CCPG1: variants seen among roughly 807,000 people sequenced by gnomAD.
CCPG1 encodes the protein cell cycle progression protein 1.
CCPG1 carries 46 observed loss-of-function variants against 81.3 expected under a neutral mutation model. The observed-to-expected ratio is 0.57, with a 90% CI of 0.45 to 0.72. CCPG1 has a LOEUF of 0.72. CCPG1 is among the 30% of genes least tolerant of loss of function. The probability of loss-of-function intolerance (pLI) is 0.00; values close to 1 mark genes in which losing one functional copy is unlikely to be tolerated. For missense variants in CCPG1, 902 were observed against 937.6 expected (o/e 0.96, Z 0.50); for synonymous variants, 330 against 305.2 (o/e 1.08, Z -0.85).
At chr15:55,368,681 C>T (rs2056382428) in intron 6 of CCPG1, among the ~76,000 whole-genome samples, 1 of 152,202 alleles carries the variant, frequency 6.6e-6, no homozygotes, top group African/African-American at 2.4e-5. Flanking sequence ...AACCAAATAC[C>T]TGGAGTACAC....
chr15:55,389,352 T>G lies in CCPG1; in HGVS notation c.60+13A>C. The G allele has an allele frequency of 6.4e-7, 1 of 1,550,984 alleles. No homozygotes were observed. The highest frequency in any genetic ancestry group is 8.9e-7 in the Non-Finnish European group (1 of 1,123,426). Reference sequence around the variant, plus strand: ...ATTACAAATTACCTTATAAAAAGTATTAAATATCATACCTCATGACTGATG... The same window carrying G: ...ATTACAAATTACCTTATAAAAAGTAGTAAATATCATACCTCATGACTGATG... On this transcript the variant is annotated intron_variant, in intron 2 of 8. Transcript: ENST00000442196.
intron 1 of CCPG1, 24 bp from the exon 2 acceptor site, chr15:55,389,457 CTCA>C (rs755974431): frequency 7.3e-6 from 11 of 1,512,410 alleles, no homozygotes; most frequent in Non-Finnish European, 7.4e-6. Context: ...AACATATTGA[CTCA>C]TGAGACACAT....
chr15:55,374,772 A>G (rs2056527166), intron 5 of CCPG1, among the ~76,000 whole-genome samples: 1 of 152,134 alleles, frequency 6.6e-6, no homozygotes, highest in Non-Finnish European at 1.5e-5. Flanking sequence ...CTGGGATTAC[A>G]GGCCTGCGCT....
At chr15:55,403,208 C>CCA (rs1234113371) in intron 1 of CCPG1, among the ~76,000 whole-genome samples, 2 of 152,000 alleles carry the variant, frequency 1.3e-5, no homozygotes, top group Non-Finnish European at 2.9e-5. Flanking sequence ...ACAAATACCC[C>CCA]CATAAAGGCA....
intron 1 of CCPG1, among the ~76,000 whole-genome samples, chr15:55,406,634 C>A (rs1479090741): frequency 1.3e-5 from 2 of 151,298 alleles, no homozygotes; most frequent in African/African-American, 2.4e-5. Flanking sequence ...GGGGTTTCAC[C>A]GTGTCGGCCA....
In CCPG1 at chr15:55,355,507, A is replaced by G; in HGVS notation, c.*713T>C. On this transcript the variant is annotated 3_prime_UTR_variant, in exon 9 of 9. Transcript: ENST00000442196. ...TTAAATACTTCGGTAAACACTGGGTAAGATTCATGGAACTTAGAAAAAAGC... is the reference window on the plus strand; with the variant it reads ...TTAAATACTTCGGTAAACACTGGGTGAGATTCATGGAACTTAGAAAAAAGC... 6.6e-6 allele frequency: 8 copies of G among 1,218,214 alleles called. No homozygotes were observed. The highest frequency in any genetic ancestry group is 9.3e-6 in the Non-Finnish European group (8 of 864,508). The allele number at this position is 1,218,214 out of a possible 1,614,324, so 75.5% of individuals were successfully genotyped here.
In CCPG1 at chr15:55,360,417, A is replaced by G; in HGVS notation, c.1356T>C (p.Tyr452=). The part of the protein sequence containing the change: ...QQRSDLWERL[Y]VEAKDQNGKQ... ...TTCCATTTTGATCTTTTGCCTCAACATACAATCTTTCCCACAAATCAGAAC... is the reference window on the plus strand; with the variant it reads ...TTCCATTTTGATCTTTTGCCTCAACGTACAATCTTTCCCACAAATCAGAAC... Residue 452 remains tyrosine, a synonymous_variant, in exon 8 of 9, where the codon TAT becomes TAC. Coordinates refer to ENST00000442196, the MANE Select transcript of CCPG1 (RefSeq NM_001204450.2). 1 of 1,613,726 alleles carries G rather than the reference A, an allele frequency of 6.2e-7. No homozygotes were observed. Among genetic ancestry groups the G allele is most frequent in the Non-Finnish European group, 8.5e-7 (1 of 1,180,014 alleles).
chr15:55,359,078 A>T, intron 8 of CCPG1: 1 of 984,984 alleles, frequency 1.0e-6, no homozygotes, highest in Non-Finnish European at 1.2e-6. Context: ...GGTACATGGA[A>T]TGGACAAGTG....
chr15:55,374,699 T>C (rs58550265), intron 5 of CCPG1, among the ~76,000 whole-genome samples: 27,172 of 152,156 alleles, frequency 0.18, 4,209 homozygotes, highest in African/African-American at 0.42. Flanking sequence ...GGCGCAATCT[T>C]GGCTCACTGC....
intron 1 of CCPG1, among the ~76,000 whole-genome samples, chr15:55,393,519 C>A (rs1340186631): frequency 2.6e-5 from 4 of 151,996 alleles, no homozygotes; most frequent in African/African-American, 9.7e-5. Context: ...ACATAATATT[C>A]CATGAAAAAT....
chr15:55,363,541 G>C (rs1243379992), intron 7 of CCPG1, among the ~76,000 whole-genome samples: 2 of 150,418 alleles, frequency 1.3e-5, no homozygotes, highest in Non-Finnish European at 3.0e-5. Flanking sequence ...ATTAACTTCA[G>C]AAGTACCTCC....
intron 1 of CCPG1, among the ~76,000 whole-genome samples, chr15:55,407,045 C>CT (rs1555411247): frequency 1.5e-5 from 2 of 133,620 alleles, no homozygotes; most frequent in Non-Finnish European, 3.1e-5. Context: ...AGACCCCCCC[C>CT]CCCGCCCCGC....
At chr15:55,400,967 G>C (rs1027721398) in intron 1 of CCPG1, among the ~76,000 whole-genome samples, 2 of 152,168 alleles carry the variant, frequency 1.3e-5, no homozygotes, top group African/African-American at 4.8e-5. Flanking sequence ...AGTCAATGTA[G>C]AGGCTGGAAA....
Position 55,361,092 on chromosome 15 carries a change from T to C in CCPG1, c.829-148A>G, listed in dbSNP as rs2056183989. The stretch of plus-strand genomic sequence containing the variant: ...GGTAGTATTTTCAATAGTATAAACA[T>C]TGGGAAATACAAGGTTCATATGCAA... On this transcript the variant is annotated intron_variant, in intron 7 of 8. Transcript: ENST00000442196. The C allele has an allele frequency of 8.4e-6, 7 of 835,510 alleles. No individual in the cohort carries two copies. In the Admixed American group the frequency reaches 2.2e-4, roughly 26 times the overall value. The allele number at this position is 835,510 out of a possible 1,614,324, so 51.8% of individuals were successfully genotyped here. A position where few individuals can be genotyped will look rare whatever the true frequency, so the allele number is the denominator to read the frequency against.
chr15:55,388,113 T>C (rs2056840550), intron 2 of CCPG1, among the ~76,000 whole-genome samples: 1 of 151,798 alleles, frequency 6.6e-6, no homozygotes, highest in South Asian at 2.1e-4. Flanking sequence ...ATTGCGTCAC[T>C]GTACAAGACA....
At chr15:55,376,888 C>T (rs910594180) in intron 5 of CCPG1, 61 bp downstream of exon 5, 2 of 1,239,166 alleles carry the variant, frequency 1.6e-6, no homozygotes, top group East Asian at 4.6e-5. Flanking sequence ...GGGTAGAAAA[C>T]AAGCCTTTAT....
chr15:55,389,400 C>T lies in CCPG1; in HGVS notation c.25G>A (p.Asp9Asn). 7 of 1,611,556 alleles carry T rather than the reference C, an allele frequency of 4.3e-6. No homozygotes were observed. Among genetic ancestry groups the T allele is most frequent in the Non-Finnish European group, 5.9e-6 (7 of 1,177,788 alleles). Residue 9 changes from aspartate to asparagine, a missense_variant, in exon 2 of 9, where the codon GAT becomes AAT. Transcript: ENST00000442196. ...ATGACAGTCCAACCACAAGATGAAT[C>T]ACTGTCACTGGAATTTTCAGACATC... Reference protein sequence around the residue: MSENSSDSDSSCGWTVISH... With the variant: MSENSSDSNSSCGWTVISH...
intron 1 of CCPG1, among the ~76,000 whole-genome samples, chr15:55,392,376 T>A (rs908937545): frequency 6.7e-6 from 1 of 149,746 alleles, no homozygotes; most frequent in African/African-American, 2.5e-5. Context: ...CATGCCCAGC[T>A]AATTTTTGTA....
In CCPG1 at chr15:55,385,732, T is replaced by C. The variant is rs779009510; in HGVS notation, c.61-18A>G. ...TCTGACCCCTAAGGAAAAGTGATAA[T>C]CTTTCAGTTATTTGCCTATTAGCTC... is the stretch of plus-strand genomic sequence containing the variant. On this transcript the variant is annotated intron_variant, in intron 2 of 8. Coordinates refer to ENST00000442196, the MANE Select transcript of CCPG1 (RefSeq NM_001204450.2). The C allele has an allele frequency of 6.6e-5, 91 of 1,382,322 alleles. No homozygotes were observed. The highest frequency in any genetic ancestry group is 9.2e-5 in the Non-Finnish European group (89 of 970,468). The allele number at this position is 1,382,322 out of a possible 1,614,324, so 85.6% of individuals were successfully genotyped here. A position where few individuals can be genotyped will look rare whatever the true frequency, so the allele number is the denominator to read the frequency against.
Sources: gnomAD v4.1 joint callset for allele counts (sites outside exome capture counted in the v4.1 genomes callset) on GRCh38, gnomAD v4.1.1 for gene constraint, MANE v1.5 for transcripts, NCBI Gene and HGNC (gene_info 2026-07-23, HGNC 2026-07-21) for gene names.